RIPK4: variants seen among roughly 807,000 people sequenced by gnomAD.
RIPK4 encodes the protein receptor interacting serine/threonine kinase 4.
In RIPK4, 17 loss-of-function variants were observed where a neutral mutation model predicts 42.9. That is an observed-to-expected ratio of 0.40 (90% CI 0.27 to 0.59). The LOEUF (loss-of-function observed/expected upper bound fraction) is 0.59. Ranked by LOEUF, RIPK4 falls within the 20% of genes least tolerant of loss-of-function variation. RIPK4 has a pLI of 0.47. For missense variants in RIPK4, 897 were observed against 1,104.4 expected (o/e 0.81, Z 2.66); for synonymous variants, 498 against 499.1 (o/e 1.00, Z 0.03).
At chr21:41,756,930 GCACA>G in intron 1 of RIPK4, 114 bp from the exon 2 acceptor site, 17 of 1,045,392 alleles carry the variant, frequency 1.6e-5, no homozygotes, top group Non-Finnish European at 2.1e-5. Context: ...TGCCTCAAGT[GCACA>G]CACATGGGGC....
Position 41,739,649 on chromosome 21 carries a change from A to G in RIPK4, c.*1189T>C, listed in dbSNP as rs1305527576. 6.6e-6 allele frequency: 1 copy of G among 152,272 alleles called. No individual in the cohort carries two copies. Among genetic ancestry groups the G allele is most frequent in the Non-Finnish European group, 1.5e-5 (1 of 68,052 alleles). The allele number at this position is 152,272 out of a possible 1,614,324, so 9.4% of individuals were successfully genotyped here. A position where few individuals can be genotyped will look rare whatever the true frequency, so the allele number is the denominator to read the frequency against. ...CAAACTTATTCTAATAACAGTATTC[A>G]GAAGGCACCCTATGGGACACAGGTG... On this transcript the variant is annotated 3_prime_UTR_variant, in exon 8 of 8. Transcript: ENST00000332512.
At chr21:41,754,131 T>C (rs1466503073) in intron 2 of RIPK4, among the ~76,000 whole-genome samples, 2 of 152,076 alleles carry the variant, frequency 1.3e-5, no homozygotes, top group Non-Finnish European at 2.9e-5. Flanking sequence ...ATTGCAGGAT[T>C]CTGGATTACA....
chr21:41,756,576 G>A lies in RIPK4; in HGVS notation c.423C>T (p.His141=), dbSNP rs1217326712. The change falls in exon 2 of 8, where the codon CAC becomes CAT. Residue 141 remains histidine, a synonymous_variant. Transcript: ENST00000332512. ...GGATGTTCGCGGGCTTGAGGTCCAG[G>A]TGCAGGAGTGGCGGGGCCATGCAGT... ...FLHCMAPPLL[H]LDLKPANILL... The A allele has an allele frequency of 4.3e-6, 7 of 1,613,950 alleles. No homozygotes were observed. The highest frequency in any genetic ancestry group is 1.7e-5 in the Admixed American group (1 of 60,008).
rs1343719094 is a variant in RIPK4, at chr21:41,751,073, G to GT, written c.623+23_623+24insA. On this transcript the variant is annotated intron_variant, in intron 3 of 7. Transcript: ENST00000332512. The surrounding 1 kb of genome is among the most constrained non-coding windows in gnomAD (Gnocchi z 4.5). Reference sequence around the variant, plus strand: ...TTGAGAGCCCCTGGCACCCACAGGGGATGGGGGGCGGCATGTCACACACCT... The same window carrying GT: ...TTGAGAGCCCCTGGCACCCACAGGGGTATGGGGGGCGGCATGTCACACACCT... 6.2e-7 allele frequency: 1 copy of GT among 1,605,450 alleles called. No individual in the cohort carries two copies. The highest frequency in any genetic ancestry group is 1.3e-5 in the African/African-American group (1 of 74,766).
intron 1 of RIPK4, among the ~76,000 whole-genome samples, chr21:41,765,207 C>T (rs1257533712): frequency 6.6e-6 from 1 of 152,240 alleles, no homozygotes; most frequent in Non-Finnish European, 1.5e-5. Flanking sequence ...AGCTCACACA[C>T]ATCCCCAAGA....
rs201024640 is a variant in RIPK4 at position 41,740,943 on chromosome 21, C to T, written c.2250G>A (p.Thr750=). ...HLAAQGRHAQ[T]VETLLRHGAH... is the part of the protein sequence containing the mutation. ...CCCCATGCCTGAGCAGAGTCTCCAC[C>T]GTCTGTGCGTGCCGGCCCTGGGCGG... The change falls in exon 8 of 8, where the codon ACG becomes ACA. Residue 750 remains threonine (T), a synonymous_variant. Transcript: ENST00000332512. 266 of 1,612,560 alleles carry T rather than the reference C, an allele frequency of 1.6e-4. No homozygotes were observed. The East Asian group carries it at 5.2e-3, about 32-fold the overall frequency.
intron 1 of RIPK4, among the ~76,000 whole-genome samples, chr21:41,758,957 C>T (rs2061212972): frequency 6.6e-6 from 1 of 152,180 alleles, no homozygotes; most frequent in African/African-American, 2.4e-5. Context: ...CCCACGGACG[C>T]ACGCTGGCCA....
intron 1 of RIPK4, among the ~76,000 whole-genome samples, chr21:41,757,124 G>C (rs2061205975): frequency 6.6e-6 from 1 of 152,158 alleles, no homozygotes; most frequent in South Asian, 2.1e-4. Flanking sequence ...TCCACAGGCA[G>C]CCATGAGCCA....
intron 1 of RIPK4, among the ~76,000 whole-genome samples, chr21:41,766,118 T>C (rs908108193): frequency 9.9e-5 from 15 of 152,208 alleles, no homozygotes; most frequent in African/African-American, 2.7e-4. Flanking sequence ...GGCCCTTCCC[T>C]AGCGGGTCGG....
intron 1 of RIPK4, among the ~76,000 whole-genome samples, chr21:41,766,359 G>A (rs940694798): frequency 1.3e-5 from 2 of 152,228 alleles, no homozygotes; most frequent in African/African-American, 4.8e-5. Context: ...TAAGTAAGTC[G>A]AACGGAGGCT....
In RIPK4 at chr21:41,746,733, T is replaced by C. The variant is rs754584153; in HGVS notation, c.712A>G (p.Lys238Glu). The change falls in exon 5 of 8, where the codon AAG becomes GAG. Residue 238 changes from lysine (K) to glutamate (E), a missense_variant. By Grantham distance (56) the Lys-to-Glu change is moderately conservative (BLOSUM62 1). Coordinates refer to ENST00000332512, the MANE Select transcript of RIPK4 (RefSeq NM_020639.3). Reference protein sequence around the residue: ...NILHIMVKVVKGHRPELPPVC... With the variant: ...NILHIMVKVVEGHRPELPPVC... ...GGCGGCAGCTCGGGGCGGTGGCCCT[T>C]CACCACCTTCACCATGATGTGCAGG... 1.2e-6 allele frequency: 2 copies of C among 1,606,614 alleles called. No homozygotes were observed. Among genetic ancestry groups the C allele is most frequent in the Admixed American group, 3.4e-5 (2 of 59,488 alleles).
At chr21:41,763,086 C>G (rs1601685686) in intron 1 of RIPK4, among the ~76,000 whole-genome samples, 1 of 152,142 alleles carries the variant, frequency 6.6e-6, no homozygotes, top group Admixed American at 6.5e-5. Flanking sequence ...TCTGCTTCCA[C>G]GCAGGAACGG....
chr21:41,749,191 G>A lies in RIPK4; in HGVS notation c.636C>T (p.Val212=). 2 of 1,613,852 alleles carry A rather than the reference G, an allele frequency of 1.2e-6. No individual in the cohort carries two copies. The highest frequency in any genetic ancestry group is 1.3e-5 in the African/African-American group (1 of 75,014). The change falls in exon 4 of 8, where the codon GTC becomes GTT. Residue 212 remains valine, a synonymous_variant. Transcript: ENST00000332512. ...TKHDVYSFAI[V]IWGVLTQKKP... is the part of the protein sequence containing the mutation. ...TCTTCTGTGTGAGCACGCCCCAGAT[G>A]ACGATCGCAAAGCTGGAAGAGAAAC...
chr21:41,753,440 A>T (rs1427862854), intron 2 of RIPK4, among the ~76,000 whole-genome samples: 2 of 152,236 alleles, frequency 1.3e-5, no homozygotes, highest in Admixed American at 1.3e-4. Context: ...AACCTCTGGC[A>T]ACAAAATGCA....
chr21:41,760,835 G>A (rs1569107059), intron 1 of RIPK4, among the ~76,000 whole-genome samples: 1 of 152,218 alleles, frequency 6.6e-6, no homozygotes, highest in Non-Finnish European at 1.5e-5. Context: ...TTGGGAACAA[G>A]TGAAGCAAGT....
At chr21:41,762,147 C>T (rs1273440389) in intron 1 of RIPK4, among the ~76,000 whole-genome samples, 1 of 152,158 alleles carries the variant, frequency 6.6e-6, no homozygotes, top group African/African-American at 2.4e-5. Flanking sequence ...ATGGGCCACA[C>T]ATTTGAGGGC....
At chr21:41,763,533 G>A (rs796625516) in intron 1 of RIPK4, among the ~76,000 whole-genome samples, 2 of 152,272 alleles carry the variant, frequency 1.3e-5, no homozygotes, top group African/African-American at 4.8e-5. Context: ...TGGGGGAGAC[G>A]GTGAGACCGC....
At position 41,741,853 on chromosome 21, in the gene RIPK4, TCCA is replaced by T; in HGVS notation, c.1337_1339del (p.Val446del). 1 of 1,612,968 alleles carries T rather than the reference TCCA, an allele frequency of 6.2e-7. No individual in the cohort carries two copies. The highest frequency in any genetic ancestry group is 8.5e-7 in the Non-Finnish European group (1 of 1,180,024). On this transcript the variant is annotated inframe_deletion, in exon 8 of 8. Coordinates refer to ENST00000332512, the MANE Select transcript of RIPK4 (RefSeq NM_020639.3). ...CTTGGCGCACTCCTCTTGCCCGGCCTCCACCGCCAGGTGCAGCAGGCTGGCACC... is the reference window on the plus strand; with the variant it reads ...CTTGGCGCACTCCTCTTGCCCGGCCTCCGCCAGGTGCAGCAGGCTGGCACC...
In RIPK4 at chr21:41,760,550, G is replaced by A. The variant is rs3787955; in HGVS notation, c.183-3734C>T. 3.9e-4 allele frequency among the ~76,000 whole-genome samples: 59 copies of A among 152,350 alleles called. 2 individuals are homozygous for A. The East Asian group carries it at 9.8e-3, about 25-fold the overall frequency. On this transcript the variant is annotated intron_variant, in intron 1 of 7. Transcript: ENST00000332512. ...GGGGCACCCGGGAGGCCAGCAGAGC[G>A]GAGCAGTCGCTGTGGATCCCCTTGG...
Sources: gnomAD v4.1 joint callset for allele counts (sites outside exome capture counted in the v4.1 genomes callset) on GRCh38, gnomAD v4.1.1 for gene constraint, Gnocchi (gnomAD v3.1) non-coding constraint, MANE v1.5 for transcripts, NCBI Gene and HGNC (gene_info 2026-07-23, HGNC 2026-07-21) for gene names.